Variants in CFTR observed in about 807,000 individuals in gnomAD.
The protein encoded by CFTR is cystic fibrosis transmembrane conductance regulator.
CFTR carries 181 observed loss-of-function variants against 171.6 expected under a neutral mutation model. The observed-to-expected ratio is 1.05, with a 90% CI of 0.93 to 1.19. The LOEUF (loss-of-function observed/expected upper bound fraction) is 1.19. CFTR is among the 50% of genes most tolerant of loss of function. CFTR has a pLI of 0.00. For missense variants in CFTR, 1,968 were observed against 1,734.7 expected (o/e 1.13, Z -2.39); for synonymous variants, 583 against 608.0 (o/e 0.96, Z 0.60).
intron 23 of CFTR, among the ~76,000 whole-genome samples, chr7:117,642,798 C>G (rs1002560387): frequency 6.6e-6 from 1 of 152,120 alleles, no homozygotes; most frequent in Admixed American, 6.6e-5. Context: ...TTGAAATGTT[C>G]ATAGCTTTGA....
chr7:117,559,346 G>T, intron 10 of CFTR, 118 bp from the exon 11 acceptor site: 2 of 751,570 alleles, frequency 2.7e-6, no homozygotes, highest in South Asian at 2.9e-5. Flanking sequence ...TGAATCAAAT[G>T]AGTTAATAGA....
rs1189377616 is a variant in CFTR, at chr7:117,509,102, T to TC, written c.234dup (p.Trp79LeufsTer32). ...ATTAATGCCCTTCGGCGATGTTTTT[T>TC]CTGGAGATTTATGTTCTATGGAATC... On this transcript the variant is annotated frameshift_variant, in exon 3 of 27. Coordinates refer to ENST00000003084, the MANE Select transcript of CFTR (RefSeq NM_000492.4). LOFTEE classifies it high-confidence loss of function. The TC allele has an allele frequency of 1.9e-6, 3 of 1,611,516 alleles. No homozygotes were observed. The African/African-American group carries it at 4.0e-5, about 22-fold the overall frequency.
chr7:117,619,559 T>G (rs1792542484), intron 21 of CFTR, among the ~76,000 whole-genome samples: 1 of 152,218 alleles, frequency 6.6e-6, no homozygotes, highest in Admixed American at 6.5e-5. Context: ...ACAAGAAGTC[T>G]GATGTGTAGA....
At chr7:117,627,468 T>C (rs1792668236) in intron 21 of CFTR, 54 bp from the exon 22 acceptor site, 1 of 1,592,180 alleles carries the variant, frequency 6.3e-7, no homozygotes, top group Non-Finnish European at 8.6e-7. Context: ...ATCAAACTAA[T>C]TGTGAAATTG....
intron 10 of CFTR, among the ~76,000 whole-genome samples, chr7:117,549,388 C>T (rs1157162547): frequency 6.6e-6 from 1 of 152,066 alleles, no homozygotes; most frequent in Non-Finnish European, 1.5e-5. Flanking sequence ...ACAACTTAAC[C>T]TGGCATATTT....
chr7:117,509,101 T>A lies in CFTR; in HGVS notation c.232T>A (p.Phe78Ile). 1 of 1,611,636 alleles carries A rather than the reference T, an allele frequency of 6.2e-7. No homozygotes were observed. The highest frequency in any genetic ancestry group is 8.5e-7 in the Non-Finnish European group (1 of 1,177,970). The change falls in exon 3 of 27, where the codon TTC becomes ATC. Residue 78 changes from phenylalanine to isoleucine, a missense_variant. By Grantham distance (21) the Phe-to-Ile change is conservative. Coordinates refer to ENST00000003084, the MANE Select transcript of CFTR (RefSeq NM_000492.4). Reference protein sequence around the residue: ...KLINALRRCFFWRFMFYGIFL... With the variant: ...KLINALRRCFIWRFMFYGIFL... ...CATTAATGCCCTTCGGCGATGTTTT[T>A]TCTGGAGATTTATGTTCTATGGAAT...
intron 22 of CFTR, among the ~76,000 whole-genome samples, chr7:117,637,873 T>C (rs966302155): frequency 6.6e-6 from 1 of 151,814 alleles, no homozygotes; most frequent in Non-Finnish European, 1.5e-5. Context: ...CAAGACTCCG[T>C]CTCAAAAAAA....
chr7:117,648,165 AC>A (rs1474423724), intron 23 of CFTR, among the ~76,000 whole-genome samples: 2 of 151,500 alleles, frequency 1.3e-5, no homozygotes, highest in East Asian at 3.9e-4. Flanking sequence ...ACACGCACAC[AC>A]ACACACACAA....
Position 117,504,187 on chromosome 7 carries a change from A to G in CFTR, c.54-66A>G, listed in dbSNP as rs1476285431. On this transcript the variant is annotated intron_variant, in intron 1 of 26. Transcript: ENST00000003084. Reference sequence around the variant, plus strand: ...CCATATGCCAGAAAAGTTGAATAGTATCAGATTCCAAATCTGTATGGAGAC... The same window carrying G: ...CCATATGCCAGAAAAGTTGAATAGTGTCAGATTCCAAATCTGTATGGAGAC... 7.0e-5 allele frequency: 64 copies of G among 912,574 alleles called. 2 individuals are homozygous for G. In the South Asian group the frequency reaches 7.6e-4, roughly 11 times the overall value. The allele number at this position is 912,574 out of a possible 1,614,324, so 56.5% of individuals were successfully genotyped here.
chr7:117,502,564 A>G (rs899341339), intron 1 of CFTR, among the ~76,000 whole-genome samples: 3 of 152,170 alleles, frequency 2.0e-5, no homozygotes, highest in Non-Finnish European at 4.4e-5. Flanking sequence ...TGCCACCTGT[A>G]TGTTCGACTT....
intron 1 of CFTR, among the ~76,000 whole-genome samples, chr7:117,491,066 G>A (rs914652211): frequency 3.3e-5 from 5 of 152,050 alleles, no homozygotes; most frequent in African/African-American, 7.2e-5. Context: ...CCTAGATGTC[G>A]TATAGCCTAC....
chr7:117,599,375 C>T (rs2116051734), intron 15 of CFTR, among the ~76,000 whole-genome samples: 2 of 152,168 alleles, frequency 1.3e-5, no homozygotes, highest in South Asian at 4.2e-4. Flanking sequence ...ATGGTATATA[C>T]TTAATTAATT....
chr7:117,545,294 A>G (rs1009046721), intron 9 of CFTR, among the ~76,000 whole-genome samples: 2 of 152,190 alleles, frequency 1.3e-5, no homozygotes, highest in African/African-American at 2.4e-5. Flanking sequence ...CCCACAACAC[A>G]TGGGAATTAT....
chr7:117,492,685 T>C (rs1798177802), intron 1 of CFTR, among the ~76,000 whole-genome samples: 1 of 152,034 alleles, frequency 6.6e-6, no homozygotes, highest in African/African-American at 2.4e-5. Flanking sequence ...AGGTGTTTCT[T>C]CTTGTGGACC....
At chr7:117,565,092 T>A (rs1791578964) in intron 11 of CFTR, among the ~76,000 whole-genome samples, 1 of 152,190 alleles carries the variant, frequency 6.6e-6, no homozygotes, top group African/African-American at 2.4e-5. Context: ...AAGTGACACT[T>A]ATTTTAAAAT....
rs558756956 is a variant in CFTR, at chr7:117,610,162, C to T, written c.2989-357C>T. 2.8e-3 allele frequency among the ~76,000 whole-genome samples: 391 copies of T among 141,802 alleles called. 1 individual carries two copies. Among genetic ancestry groups the T allele is most frequent in the Non-Finnish European group, 4.1e-3 (270 of 66,654 alleles). 93.0% of individuals were successfully genotyped at this position (141,802 alleles called of 152,430 possible). A position where few individuals can be genotyped will look rare whatever the true frequency, so the allele number is the denominator to read the frequency against. ...CAAAAAACCAAACACCGCATATTCT[C>T]ACTCATAGGTGGGAATTGAACAATG... is the stretch of plus-strand genomic sequence containing the variant. On this transcript the variant is annotated intron_variant, in intron 18 of 26. Coordinates refer to ENST00000003084, the MANE Select transcript of CFTR (RefSeq NM_000492.4).
chr7:117,503,570 C>G (rs1490731238), intron 1 of CFTR, among the ~76,000 whole-genome samples: 1 of 152,160 alleles, frequency 6.6e-6, no homozygotes, highest in South Asian at 2.1e-4. Context: ...TAGTGATTTC[C>G]CATGCCAACT....
chr7:117,640,934 T>A (rs549200634), intron 22 of CFTR, among the ~76,000 whole-genome samples: 42 of 152,264 alleles, frequency 2.8e-4, no homozygotes, highest in African/African-American at 8.2e-4. Flanking sequence ...GTGCTAAGAA[T>A]TCAATGCAAA....
chr7:117,512,466 A>T (rs1798533795), intron 3 of CFTR, among the ~76,000 whole-genome samples: 2 of 151,950 alleles, frequency 1.3e-5, no homozygotes, highest in East Asian at 3.9e-4. Context: ...TCTCTACTAA[A>T]AGTACAAAAA....
Sources: gnomAD v4.1 joint callset for allele counts (sites outside exome capture counted in the v4.1 genomes callset) on GRCh38, gnomAD v4.1.1 for gene constraint, MANE v1.5 for transcripts, NCBI Gene and HGNC (gene_info 2026-07-23, HGNC 2026-07-21) for gene names.